CCDC7: variants seen among roughly 807,000 people sequenced by gnomAD.
The protein encoded by CCDC7 is coiled-coil domain containing 7, also known as coiled-coil domain-containing protein 7.
In CCDC7, 183 loss-of-function variants were observed where a neutral mutation model predicts 196.9. The ratio of observed to expected loss-of-function variants is 0.93; its 90% CI spans 0.82 to 1.05. CCDC7 has a LOEUF of 1.05. Ranked by LOEUF, CCDC7 falls within the 50% of genes least tolerant of loss-of-function variation. The pLI, the probability that CCDC7 is intolerant of heterozygous loss-of-function variation, is 0.00. For synonymous variants in CCDC7, 525 were observed against 484.6 expected (o/e 1.08, Z -1.10); for missense variants, 1,540 against 1,482.2 (o/e 1.04, Z -0.64).
chr10:32,743,967 A>G (rs543692664), intron 28 of CCDC7, among the ~76,000 whole-genome samples: 105 of 121,864 alleles, frequency 8.6e-4, no homozygotes, highest in African/African-American at 3.3e-3. Context: ...GAAGGGGAAC[A>G]TCACACACCG....
chr10:32,812,813 C>G (rs2087455702), intron 30 of CCDC7, among the ~76,000 whole-genome samples: 1 of 152,000 alleles, frequency 6.6e-6, no homozygotes, highest in African/African-American at 2.4e-5. Context: ...GGATCATTTG[C>G]TTGCTCATTT....
chr10:32,601,948 CG>C (rs1196319639), intron 18 of CCDC7, among the ~76,000 whole-genome samples: 2 of 152,090 alleles, frequency 1.3e-5, no homozygotes, highest in Non-Finnish European at 2.9e-5. Context: ...AGGATGTGGG[CG>C]GGGCCAAATA....
At chr10:32,514,927 G>C in intron 9 of CCDC7, among the ~76,000 whole-genome samples, 1 of 152,270 alleles carries the variant, frequency 6.6e-6, no homozygotes, top group Admixed American at 6.5e-5. Context: ...TAGGCCCAAG[G>C]CATCTTCCTG....
At chr10:32,649,162 TGTG>T (rs1425714086) in intron 20 of CCDC7, among the ~76,000 whole-genome samples, 1 of 152,054 alleles carries the variant, frequency 6.6e-6, no homozygotes, top group Non-Finnish European at 1.5e-5. Flanking sequence ...CTGTGGGAGT[TGTG>T]GTGGGAGGGA....
intron 29 of CCDC7, 79 bp from the exon 31 acceptor site, chr10:32,804,933 ACAC>A: frequency 3.4e-6 from 1 of 297,398 alleles, no homozygotes; most frequent in South Asian, 4.2e-5. Context: ...AATTTAATAC[ACAC>A]ACACACACAC....
intron 29 of CCDC7, among the ~76,000 whole-genome samples, chr10:32,792,910 A>G (rs2082947263): frequency 6.6e-6 from 1 of 152,216 alleles, no homozygotes; most frequent in Non-Finnish European, 1.5e-5. Context: ...AAAGGTAGGC[A>G]GCAAAAGAGA....
chr10:32,624,248 T>A (rs2063725013), intron 18 of CCDC7, among the ~76,000 whole-genome samples: 1 of 152,148 alleles, frequency 6.6e-6, no homozygotes, highest in Admixed American at 6.6e-5. Flanking sequence ...TTACAATAGT[T>A]GCTTGATTCC....
intron 20 of CCDC7, among the ~76,000 whole-genome samples, chr10:32,661,587 G>T (rs900884909): frequency 6.6e-6 from 1 of 152,078 alleles, no homozygotes; most frequent in Non-Finnish European, 1.5e-5. Flanking sequence ...TCTTTAGTCA[G>T]CAGGTGATAG....
chr10:32,842,526 A>G (rs1488028849), intron 33 of CCDC7, among the ~76,000 whole-genome samples: 5 of 152,126 alleles, frequency 3.3e-5, no homozygotes, highest in African/African-American at 1.2e-4. Context: ...ACTGTGGAAA[A>G]CAGTGTGGAA....
At chr10:32,458,506 CA>C (rs1189582844) in intron 3 of CCDC7, among the ~76,000 whole-genome samples, 1 of 134,954 alleles carries the variant, frequency 7.4e-6, no homozygotes, top group Admixed American at 7.8e-5. Context: ...TTTAAAGAGA[CA>C]AGGTCTCACT....
In CCDC7 at chr10:32,764,706, C is replaced by T. The variant is rs150256489; in HGVS notation, c.2906-14271C>T. Among the ~76,000 whole-genome samples, 3 of 152,136 alleles carry T rather than the reference C, an allele frequency of 2.0e-5. No individual in the cohort carries two copies. The East Asian group carries it at 5.8e-4, about 29-fold the overall frequency. ...CCAGAGGACACACCTTTCACCACAACTGTGAGAAATGTGAAGACAGCCCCA... is the reference window on the plus strand; with the variant it reads ...CCAGAGGACACACCTTTCACCACAATTGTGAGAAATGTGAAGACAGCCCCA... On this transcript the variant is annotated intron_variant, in intron 28 of 41. Transcript: ENST00000639629.
chr10:32,505,093 G>A (rs563360789), intron 9 of CCDC7, among the ~76,000 whole-genome samples: 37 of 152,122 alleles, frequency 2.4e-4, no homozygotes, highest in Middle Eastern at 3.4e-3. Flanking sequence ...GTCTTATCTC[G>A]ATGCATATTA....
intron 1 of CCDC7, among the ~76,000 whole-genome samples, chr10:32,453,129 C>G (rs1307549557): frequency 1.3e-5 from 2 of 152,164 alleles, no homozygotes; most frequent in Non-Finnish European, 2.9e-5. Flanking sequence ...TAGAGCATCT[C>G]TCTATTGCTA....
chr10:32,704,357 C>T (rs893053137), intron 24 of CCDC7, among the ~76,000 whole-genome samples: 11 of 152,180 alleles, frequency 7.2e-5, no homozygotes, highest in South Asian at 2.1e-4. Flanking sequence ...GCTGCCTGAT[C>T]GTTCCTCTGG....
chr10:32,659,060 C>T (rs1009610560), intron 20 of CCDC7, among the ~76,000 whole-genome samples: 1 of 151,958 alleles, frequency 6.6e-6, no homozygotes, highest in African/African-American at 2.4e-5. Flanking sequence ...TTCATTATTT[C>T]CTTCCTCCTA....
intron 24 of CCDC7, among the ~76,000 whole-genome samples, chr10:32,703,931 G>A (rs559173826): frequency 3.9e-5 from 6 of 151,958 alleles, no homozygotes; most frequent in Admixed American, 2.6e-4. Context: ...TTTTTTTCAA[G>A]GTTTTTAACT....
intron 9 of CCDC7, among the ~76,000 whole-genome samples, chr10:32,500,600 C>T (rs1271099849): frequency 1.1e-4 from 16 of 149,822 alleles, no homozygotes; most frequent in East Asian, 6.0e-4. Flanking sequence ...ACATCCCAGA[C>T]GATGGGCGGC....
At chr10:32,760,260 A>G (rs1315331990) in intron 28 of CCDC7, among the ~76,000 whole-genome samples, 1 of 152,190 alleles carries the variant, frequency 6.6e-6, no homozygotes, top group Non-Finnish European at 1.5e-5. Context: ...TACCCAAAGG[A>G]TTATAAATGA....
chr10:32,686,171 G>T, intron 22 of CCDC7, 91 bp downstream of exon 23: 1 of 635,228 alleles, frequency 1.6e-6, no homozygotes, highest in Non-Finnish European at 2.6e-6. Context: ...TGAATTTACA[G>T]AAATTTTACC....
Sources: allele counts gnomAD v4.1 joint callset (sites outside exome capture counted in the v4.1 genomes callset), GRCh38; gene constraint gnomAD v4.1.1; transcripts MANE v1.5; gene names NCBI Gene and HGNC (gene_info 2026-07-23, HGNC 2026-07-21).